The following CLSTN2 variants were observed in gnomAD, a reference collection of about 807,000 sequenced individuals.
The protein encoded by CLSTN2 is calsyntenin-2.
CLSTN2 carries 48 observed loss-of-function variants against 101.2 expected under a neutral mutation model. The observed-to-expected ratio is 0.47, with a 90% CI of 0.38 to 0.60. The LOEUF is 0.60. Among genes scored for constraint, CLSTN2 ranks in the 20% least tolerant of loss-of-function variants. The pLI is 0.00. For synonymous variants in CLSTN2, 481 were observed against 463.6 expected (o/e 1.04, Z -0.48); for missense variants, 1,160 against 1,238.2 (o/e 0.94, Z 0.95).
intron 4 of CLSTN2, among the ~76,000 whole-genome samples, chr3:140,412,196 G>T (rs901537315): frequency 6.6e-6 from 1 of 152,128 alleles, no homozygotes; most frequent in Non-Finnish European, 1.5e-5. Flanking sequence ...TGTATTTTTA[G>T]TGGAGATGGG....
intron 2 of CLSTN2, among the ~76,000 whole-genome samples, chr3:140,213,257 C>T (rs988231972): frequency 6.6e-6 from 1 of 151,756 alleles, no homozygotes; most frequent in Non-Finnish European, 1.5e-5. Flanking sequence ...GTGTGTGTGT[C>T]GTTTGTGGTG....
rs113375857 is a variant in CLSTN2 at position 140,104,843 on chromosome 3, G to A, written c.110-71108G>A. Among the ~76,000 whole-genome samples the A allele has an allele frequency of 5.3e-3, 814 of 152,310 alleles. 2 individuals carry two copies. The highest frequency in any genetic ancestry group is 8.3e-3 in the Non-Finnish European group (562 of 68,018). ...ACAAAAATTAGCCAGGCATGGTGATGCATGCATGACTGTAGTCCCAGCTAT... is the reference window on the plus strand; with the variant it reads ...ACAAAAATTAGCCAGGCATGGTGATACATGCATGACTGTAGTCCCAGCTAT... On this transcript the variant is annotated intron_variant, in intron 1 of 16. Transcript: ENST00000458420.
At chr3:140,253,686 C>A (rs971898085) in intron 2 of CLSTN2, among the ~76,000 whole-genome samples, 1 of 152,110 alleles carries the variant, frequency 6.6e-6, no homozygotes, top group South Asian at 2.1e-4. Context: ...CTGGGACATA[C>A]CTGGGCCTAA....
chr3:140,487,475 G>A (rs549486428), intron 8 of CLSTN2, among the ~76,000 whole-genome samples: 1 of 152,328 alleles, frequency 6.6e-6, no homozygotes, highest in African/African-American at 2.4e-5. Context: ...CTCTGTATCA[G>A]TGAGAATGAG....
At chr3:140,309,348 C>G (rs1248875350) in intron 2 of CLSTN2, among the ~76,000 whole-genome samples, 2 of 152,094 alleles carry the variant, frequency 1.3e-5, no homozygotes, top group Non-Finnish European at 2.9e-5. Context: ...AGGAGGATAT[C>G]TGGCCTACCT....
chr3:140,126,544 G>A (rs566726683), intron 1 of CLSTN2, among the ~76,000 whole-genome samples: 11 of 152,214 alleles, frequency 7.2e-5, no homozygotes, highest in South Asian at 4.2e-4. Flanking sequence ...GAGGCTAGAG[G>A]TGAATTTGAT....
chr3:140,124,295 C>T (rs2009394788), intron 1 of CLSTN2, among the ~76,000 whole-genome samples: 1 of 152,092 alleles, frequency 6.6e-6, no homozygotes, highest in South Asian at 2.1e-4. Flanking sequence ...AGAAATCCTC[C>T]TAACAGCTGA....
chr3:140,333,208 T>G (rs572920608), intron 2 of CLSTN2, among the ~76,000 whole-genome samples: 1 of 152,192 alleles, frequency 6.6e-6, no homozygotes, highest in Non-Finnish European at 1.5e-5. Flanking sequence ...ATCAGCATCA[T>G]CCACCTCCTT....
At chr3:140,549,562 A>G (rs538395633) in intron 10 of CLSTN2, among the ~76,000 whole-genome samples, 199 of 150,534 alleles carry the variant, frequency 1.3e-3, no homozygotes, top group Non-Finnish European at 2.1e-3. Context: ...CCTACTTCTC[A>G]CAACAAATTA....
At chr3:140,390,171 T>G (rs1174084848) in intron 2 of CLSTN2, among the ~76,000 whole-genome samples, 1 of 152,086 alleles carries the variant, frequency 6.6e-6, no homozygotes, top group Non-Finnish European at 1.5e-5. Flanking sequence ...TTACTTACTT[T>G]AGGTTTACTT....
intron 1 of CLSTN2, among the ~76,000 whole-genome samples, chr3:140,046,967 A>C (rs762739576): frequency 1.3e-5 from 2 of 151,940 alleles, no homozygotes; most frequent in Non-Finnish European, 2.9e-5. Flanking sequence ...GGATTTTTGA[A>C]CATTTGCCTA....
chr3:140,062,658 T>G (rs909773824), intron 1 of CLSTN2, among the ~76,000 whole-genome samples: 1 of 152,224 alleles, frequency 6.6e-6, no homozygotes, highest in African/African-American at 2.4e-5. Flanking sequence ...CTCCCAGAGC[T>G]GCCATGACTC....
At chr3:140,323,114 A>G (rs956733971) in intron 2 of CLSTN2, among the ~76,000 whole-genome samples, 21 of 152,248 alleles carry the variant, frequency 1.4e-4, no homozygotes, top group African/African-American at 5.1e-4. Context: ...GACTAAAGAA[A>G]GAAAGCCAGG....
intron 8 of CLSTN2, among the ~76,000 whole-genome samples, chr3:140,525,413 CA>C (rs1935116503): frequency 6.6e-6 from 1 of 152,086 alleles, no homozygotes; most frequent in Admixed American, 6.6e-5. Flanking sequence ...AAAACCTGAA[CA>C]GACAAATAAT....
intron 1 of CLSTN2, among the ~76,000 whole-genome samples, chr3:140,158,460 A>C (rs2009991859): frequency 6.6e-6 from 1 of 152,172 alleles, no homozygotes; most frequent in African/African-American, 2.4e-5. Context: ...GCTATGAAAA[A>C]ATTGAAATAC....
chr3:140,299,730 C>T (rs2087040785), intron 2 of CLSTN2, among the ~76,000 whole-genome samples: 1 of 152,202 alleles, frequency 6.6e-6, no homozygotes, highest in Non-Finnish European at 1.5e-5. Flanking sequence ...ACATCTTAGC[C>T]TCCATAGACC....
chr3:140,159,480 C>T (rs1277604783), intron 1 of CLSTN2, among the ~76,000 whole-genome samples: 1 of 152,116 alleles, frequency 6.6e-6, no homozygotes, highest in Non-Finnish European at 1.5e-5. Flanking sequence ...AATATCATCT[C>T]ACAGCCATTA....
chr3:140,345,230 T>C (rs2087533594), intron 2 of CLSTN2, among the ~76,000 whole-genome samples: 2 of 151,796 alleles, frequency 1.3e-5, no homozygotes, highest in South Asian at 2.1e-4. Flanking sequence ...CAGGGTGGCA[T>C]TGAGTGGATA....
chr3:140,103,230 G>A (rs2008997308), intron 1 of CLSTN2, among the ~76,000 whole-genome samples: 2 of 152,180 alleles, frequency 1.3e-5, no homozygotes, highest in Admixed American at 1.3e-4. Flanking sequence ...TTGTTTTGAT[G>A]AGAGGCTGGG....
Sources: gnomAD v4.1 joint callset for allele counts (sites outside exome capture counted in the v4.1 genomes callset) on GRCh38, gnomAD v4.1.1 for gene constraint, MANE v1.5 for transcripts, NCBI Gene and HGNC (gene_info 2026-07-23, HGNC 2026-07-21) for gene names.